The following MCTP1 variants were observed in gnomAD, a reference collection of about 807,000 sequenced individuals.
MCTP1 encodes the protein multiple C2 and transmembrane domain containing 1.
In MCTP1, 69 loss-of-function variants were observed where a neutral mutation model predicts 120.6. That is an observed-to-expected ratio of 0.57 (90% CI 0.47 to 0.70). The LOEUF (loss-of-function observed/expected upper bound fraction) is 0.70. Among genes scored for constraint, MCTP1 ranks in the 30% least tolerant of loss-of-function variants. The pLI is 0.00. For missense variants in MCTP1, 1,203 were observed against 1,248.8 expected (o/e 0.96, Z 0.55); for synonymous variants, 529 against 493.1 (o/e 1.07, Z -0.96).
At chr5:94,895,194 C>A (rs1484558758) in intron 10 of MCTP1, among the ~76,000 whole-genome samples, 1 of 152,116 alleles carries the variant, frequency 6.6e-6, no homozygotes, top group Non-Finnish European at 1.5e-5. Flanking sequence ...GAGAGACCAA[C>A]TACCAAAATT....
At chr5:95,246,124 T>C (rs1562273906) in intron 1 of MCTP1, among the ~76,000 whole-genome samples, 1 of 152,090 alleles carries the variant, frequency 6.6e-6, no homozygotes, top group Non-Finnish European at 1.5e-5. Flanking sequence ...AGACAAGAAA[T>C]GCTGAGAGAT....
chr5:94,845,725 A>AT (rs1452161796), intron 17 of MCTP1, among the ~76,000 whole-genome samples: 3 of 151,804 alleles, frequency 2.0e-5, no homozygotes, highest in Non-Finnish European at 2.9e-5. Flanking sequence ...TAATTTTTGT[A>AT]TTTTTTTGTA....
intron 1 of MCTP1, among the ~76,000 whole-genome samples, chr5:95,187,326 A>C (rs1327977225): frequency 6.6e-6 from 1 of 152,234 alleles, no homozygotes; most frequent in Non-Finnish European, 1.5e-5. Flanking sequence ...GGAGATCATT[A>C]TGTTAAGTGA....
chr5:95,148,169 A>G (rs534239349), intron 1 of MCTP1, among the ~76,000 whole-genome samples: 1 of 152,264 alleles, frequency 6.6e-6, no homozygotes, highest in East Asian at 1.9e-4. Flanking sequence ...CCTGATGACT[A>G]TGTGCTTGGG....
chr5:95,013,307 T>C (rs914735890), intron 2 of MCTP1, among the ~76,000 whole-genome samples: 1 of 152,120 alleles, frequency 6.6e-6, no homozygotes, highest in Admixed American at 6.6e-5. Flanking sequence ...CTGCCACAAG[T>C]TATTCAGAAA....
At chr5:94,989,924 A>C (rs1479732240) in intron 2 of MCTP1, among the ~76,000 whole-genome samples, 1 of 152,180 alleles carries the variant, frequency 6.6e-6, no homozygotes, top group East Asian at 1.9e-4. Context: ...TGGATGCTCC[A>C]TGTCCCTTCC....
At chr5:94,866,605 A>G (rs1796862190) in intron 17 of MCTP1, among the ~76,000 whole-genome samples, 1 of 146,712 alleles carries the variant, frequency 6.8e-6, no homozygotes. Context: ...GACTGAATCC[A>G]TCAGACACTG....
chr5:94,929,002 T>C (rs1277065107), intron 6 of MCTP1, among the ~76,000 whole-genome samples: 2 of 152,266 alleles, frequency 1.3e-5, no homozygotes, highest in African/African-American at 4.8e-5. Context: ...AGCAGAAGTA[T>C]GGTTACAAAA....
chr5:94,725,658 T>C (rs1215466694), intron 19 of MCTP1, among the ~76,000 whole-genome samples: 1 of 152,224 alleles, frequency 6.6e-6, no homozygotes, highest in Non-Finnish European at 1.5e-5. Context: ...TGACCATATT[T>C]AGAAGATGAG....
intron 1 of MCTP1, among the ~76,000 whole-genome samples, chr5:95,155,204 A>T (rs1332246964): frequency 6.6e-6 from 1 of 152,206 alleles, no homozygotes; most frequent in Admixed American, 6.5e-5. Flanking sequence ...GGAGAATTGC[A>T]TGACTAAAAA....
chr5:95,077,359 CTCTA>C lies in MCTP1; in HGVS notation c.721-59879_721-59876del, dbSNP rs554864319. On this transcript the variant is annotated intron_variant, in intron 1 of 22. Coordinates refer to ENST00000515393, the MANE Select transcript of MCTP1 (RefSeq NM_024717.7). Reference sequence around the variant, plus strand: ...TTTTGACCTTTTAATTTTATCCCACCTCTATCTGTCTCTTTTTTTCTCTGCATAT... The same window carrying C: ...TTTTGACCTTTTAATTTTATCCCACCTCTGTCTCTTTTTTTCTCTGCATAT... Among the ~76,000 whole-genome samples the C allele has an allele frequency of 3.3e-3, 504 of 152,088 alleles. 3 individuals are homozygous for C. Among genetic ancestry groups the C allele is most frequent in the African/African-American group, 9.2e-3 (380 of 41,474 alleles).
chr5:95,006,707 C>A (rs950705166), intron 2 of MCTP1, among the ~76,000 whole-genome samples: 1 of 152,114 alleles, frequency 6.6e-6, no homozygotes, highest in Non-Finnish European at 1.5e-5. Context: ...CTTTCTGAAA[C>A]CTGCTCAGAG....
intron 19 of MCTP1, among the ~76,000 whole-genome samples, chr5:94,717,461 C>T (rs306578): frequency 0.41 from 62,859 of 151,882 alleles, 13,740 homozygotes; most frequent in South Asian, 0.53. Flanking sequence ...AAATCTGGCA[C>T]AAGACAAGGA....
At chr5:95,273,570 A>G (rs560617583) in intron 1 of MCTP1, among the ~76,000 whole-genome samples, 174 of 152,184 alleles carry the variant, frequency 1.1e-3, no homozygotes, top group South Asian at 4.8e-3. Flanking sequence ...TTAAACTAAC[A>G]TGTTTTATTT....
intron 19 of MCTP1, among the ~76,000 whole-genome samples, chr5:94,764,561 C>A (rs1320386521): frequency 6.6e-6 from 1 of 151,686 alleles, no homozygotes; most frequent in Non-Finnish European, 1.5e-5. Context: ...AAATAGAAAC[C>A]AAGATTGAGC....
At chr5:95,192,649 A>G (rs1749951712) in intron 1 of MCTP1, among the ~76,000 whole-genome samples, 1 of 152,094 alleles carries the variant, frequency 6.6e-6, no homozygotes, top group South Asian at 2.1e-4. Context: ...AAATACTTTT[A>G]TATGTCTTGA....
chr5:95,123,681 G>A (rs1006227539), intron 1 of MCTP1, among the ~76,000 whole-genome samples: 3 of 147,956 alleles, frequency 2.0e-5, no homozygotes, highest in South Asian at 2.1e-4. Flanking sequence ...ATGGAGTCTC[G>A]CTCTGTTGCC....
chr5:94,951,548 G>A (rs753512966), intron 3 of MCTP1, among the ~76,000 whole-genome samples: 1 of 152,076 alleles, frequency 6.6e-6, no homozygotes, highest in Non-Finnish European at 1.5e-5. Flanking sequence ...ATTAATACCT[G>A]CTTTCTTTCC....
chr5:95,238,132 C>T (rs781778132), intron 1 of MCTP1, among the ~76,000 whole-genome samples: 6 of 152,184 alleles, frequency 3.9e-5, no homozygotes, highest in Non-Finnish European at 8.8e-5. Flanking sequence ...AAACATCCAT[C>T]GCCATGTGAG....
Sources: allele counts gnomAD v4.1 joint callset (sites outside exome capture counted in the v4.1 genomes callset), GRCh38; gene constraint gnomAD v4.1.1; transcripts MANE v1.5; gene names NCBI Gene and HGNC (gene_info 2026-07-23, HGNC 2026-07-21).